Variants in ASPH observed in about 807,000 individuals in gnomAD.
ASPH encodes aspartyl/asparaginyl beta-hydroxylase.
Under a neutral mutation model 118.4 loss-of-function variants are expected in ASPH, and 100 were observed. That is an observed-to-expected ratio of 0.84 (90% confidence interval 0.72 to 1.00). The LOEUF (loss-of-function observed/expected upper bound fraction) is 1.00, where lower values mean the gene tolerates loss of function less well. Ranked by LOEUF, ASPH falls within the 50% of genes least tolerant of loss-of-function variation. The pLI is 0.00. For missense variants in ASPH, 920 were observed against 919.5 expected, an observed-to-expected ratio of 1.00 and a Z score of -0.01; for synonymous variants, 315 against 325.6, an observed-to-expected ratio of 0.97 and a Z score of 0.35.
intron 3 of ASPH, among the ~76,000 whole-genome samples, chr8:61,667,374 T>C (rs1006647943): frequency 2.0e-5 from 3 of 152,088 alleles, no homozygotes; most frequent in African/African-American, 7.2e-5. Context: ...TATTTATTAT[T>C]ATTATTATTA....
chr8:61,632,468 T>C (rs1667077033), intron 13 of ASPH, among the ~76,000 whole-genome samples: 1 of 152,194 alleles, frequency 6.6e-6, no homozygotes. Context: ...AACAGGGTAC[T>C]CTGTGAAGCA....
intron 13 of ASPH, chr8:61,624,627 A>G: frequency 1.0e-6 from 1 of 985,434 alleles, no homozygotes; most frequent in South Asian, 4.7e-5. Flanking sequence ...ACAATGGCAC[A>G]TATTTGTAAA....
At chr8:61,530,021 T>C (rs1816984442) in intron 21 of ASPH, among the ~76,000 whole-genome samples, 1 of 152,238 alleles carries the variant, frequency 6.6e-6, no homozygotes, top group Non-Finnish European at 1.5e-5. Flanking sequence ...AGCGTATGTG[T>C]GTGCAGAAGA....
At chr8:61,678,836 G>C (rs193192296) in intron 3 of ASPH, among the ~76,000 whole-genome samples, 3 of 152,162 alleles carry the variant, frequency 2.0e-5, no homozygotes, top group African/African-American at 7.2e-5. Flanking sequence ...TCCCTCTCCA[G>C]TGAGAACGTA....
intron 5 of ASPH, among the ~76,000 whole-genome samples, chr8:61,648,375 G>C (rs1019956394): frequency 6.6e-6 from 1 of 152,122 alleles, no homozygotes; most frequent in African/African-American, 2.4e-5. Context: ...AATCAGGCAG[G>C]CCTATTTATG....
chr8:61,648,955 G>C (rs1466104913), intron 5 of ASPH, among the ~76,000 whole-genome samples: 1 of 152,198 alleles, frequency 6.6e-6, no homozygotes, highest in Non-Finnish European at 1.5e-5. Flanking sequence ...AGGTGCAGGG[G>C]TGCTAAAGCA....
intron 10 of ASPH, among the ~76,000 whole-genome samples, chr8:61,640,817 T>C (rs1230147072): frequency 1.3e-5 from 2 of 152,352 alleles, no homozygotes; most frequent in East Asian, 3.9e-4. Context: ...CCCAGGTTTG[T>C]CCAATGTAGG....
At chr8:61,643,915 C>T (rs1381249934) in intron 8 of ASPH, 30 bp downstream of exon 8, 2 of 1,584,132 alleles carry the variant, frequency 1.3e-6, no homozygotes, top group African/African-American at 1.3e-5. Context: ...AATCAGAAAA[C>T]ACATATCAAT....
intron 3 of ASPH, chr8:61,665,521 C>CT: frequency 1.3e-6 from 2 of 1,570,420 alleles, no homozygotes; most frequent in Non-Finnish European, 1.7e-6. Flanking sequence ...CTTTCTTCCC[C>CT]TTTTTTCTCT....
intron 15 of ASPH, chr8:61,579,809 T>A: frequency 5.6e-6 from 4 of 712,166 alleles, no homozygotes; most frequent in Non-Finnish European, 7.6e-6. Flanking sequence ...CCTGGGGAGT[T>A]TACTACCTGG....
At chr8:61,646,637 TA>T in intron 6 of ASPH, 112 bp downstream of exon 6, 1 of 1,237,626 alleles carries the variant, frequency 8.1e-7, no homozygotes, top group Non-Finnish European at 1.1e-6. Flanking sequence ...CTTCAACTTT[TA>T]AAAATCTAAG....
At chr8:61,666,421 T>C (rs1036441079) in intron 3 of ASPH, among the ~76,000 whole-genome samples, 1 of 152,176 alleles carries the variant, frequency 6.6e-6, no homozygotes, top group African/African-American at 2.4e-5. Context: ...TGTACTCTCA[T>C]AAGGAAATCA....
intron 20 of ASPH, among the ~76,000 whole-genome samples, chr8:61,549,057 T>TAG (rs1824936684): frequency 6.6e-6 from 1 of 152,202 alleles, no homozygotes; most frequent in Non-Finnish European, 1.5e-5. Flanking sequence ...ATGGTACACT[T>TAG]AATATTATCC....
chr8:61,631,564 A>G (rs756708072), intron 13 of ASPH: 1 of 152,106 alleles, frequency 6.6e-6, no homozygotes, highest in Non-Finnish European at 1.5e-5. Context: ...GTAGTAGGCT[A>G]CTCTATGATG....
At chr8:61,671,400 T>C (rs1412805258) in intron 3 of ASPH, among the ~76,000 whole-genome samples, 2 of 152,196 alleles carry the variant, frequency 1.3e-5, no homozygotes, top group Non-Finnish European at 2.9e-5. Context: ...CAAAGGCTCT[T>C]CAAAAATAGT....
chr8:61,558,352 T>C (rs73263168), intron 18 of ASPH, among the ~76,000 whole-genome samples: 2,353 of 152,016 alleles, frequency 0.015, 59 homozygotes, highest in African/African-American at 0.054. Context: ...TAGAAAGGGA[T>C]AGTGGGCCAG....
At chr8:61,681,938 T>C (rs1828288910) in intron 2 of ASPH, among the ~76,000 whole-genome samples, 1 of 152,148 alleles carries the variant, frequency 6.6e-6, no homozygotes, top group Non-Finnish European at 1.5e-5. Context: ...AACATAATAA[T>C]GTTAATGTAC....
intron 1 of ASPH, among the ~76,000 whole-genome samples, chr8:61,701,993 T>C (rs1290172723): frequency 6.6e-6 from 1 of 152,210 alleles, no homozygotes; most frequent in Non-Finnish European, 1.5e-5. Flanking sequence ...AGACATACAA[T>C]AGCTATATTC....
At chr8:61,599,335 G>A (rs1364289324) in intron 14 of ASPH, among the ~76,000 whole-genome samples, 6 of 152,110 alleles carry the variant, frequency 3.9e-5, no homozygotes, top group East Asian at 1.9e-4. Flanking sequence ...TCGGGGGAGT[G>A]AGGAGGGATA....
Sources: allele counts gnomAD v4.1 joint callset (sites outside exome capture counted in the v4.1 genomes callset), GRCh38; gene constraint gnomAD v4.1.1; transcripts MANE v1.5; gene names NCBI Gene and HGNC (gene_info 2026-07-23, HGNC 2026-07-21).